CDC5L: variants seen among roughly 807,000 people sequenced by gnomAD.
CDC5L encodes the protein cell division cycle 5-like protein.
CDC5L carries 18 observed loss-of-function variants against 104.1 expected under a neutral mutation model. The observed-to-expected ratio is 0.17, with a 90% CI of 0.12 to 0.26. The LOEUF (loss-of-function observed/expected upper bound fraction) is 0.26. Among genes scored for constraint, CDC5L ranks in the 10% least tolerant of loss-of-function variants. The probability of loss-of-function intolerance (pLI) is 1.00; values close to 1 mark genes in which losing one functional copy is unlikely to be tolerated. For missense variants in CDC5L, 673 were observed against 956.9 expected, an observed-to-expected ratio of 0.70 and a Z score of 3.91; for synonymous variants, 331 against 322.7, an observed-to-expected ratio of 1.03 and a Z score of -0.28.
intron 5 of CDC5L, among the ~76,000 whole-genome samples, chr6:44,402,742 T>C (rs993172617): frequency 6.6e-6 from 1 of 152,244 alleles, no homozygotes; most frequent in African/African-American, 2.4e-5. Context: ...TTGATAGATA[T>C]GCATACAGTT....
At chr6:44,438,881 A>G (rs957498355) in intron 14 of CDC5L, among the ~76,000 whole-genome samples, 26 of 152,054 alleles carry the variant, frequency 1.7e-4, no homozygotes, top group Admixed American at 5.2e-4. Context: ...TATAAATTAC[A>G]TACCATAAAG....
rs771834861 is a variant in CDC5L at position 44,429,691 on chromosome 6, T to C, written c.1894-22T>C. The C allele has an allele frequency of 1.6e-4, 249 of 1,605,766 alleles. 1 individual carries two copies. The highest frequency in any genetic ancestry group is 5.7e-4 in the South Asian group (52 of 90,854). On this transcript the variant is annotated intron_variant, in intron 13 of 15. Transcript: ENST00000371477. Reference sequence around the variant, plus strand: ...CAAGTGTTTGTAGTACTTAAACTTATTGAAATTATTATTGTAAACAGGCCC... The same window carrying C: ...CAAGTGTTTGTAGTACTTAAACTTACTGAAATTATTATTGTAAACAGGCCC...
intron 10 of CDC5L, among the ~76,000 whole-genome samples, 197 bp from the exon 11 acceptor site, chr6:44,424,222 G>A (rs1010336265): frequency 3.2e-4 from 49 of 152,056 alleles, no homozygotes; most frequent in African/African-American, 1.0e-3. Context: ...TAATCATATC[G>A]TGGAAAATGG....
Position 44,419,614 on chromosome 6 carries a change from C to G in CDC5L, c.1241+17C>G, listed in dbSNP as rs764556952. The G allele has an allele frequency of 1.3e-6, 2 of 1,599,936 alleles. No individual in the cohort carries two copies. Among genetic ancestry groups the G allele is most frequent in the Admixed American group, 3.4e-5 (2 of 59,388 alleles). ...TCCATTCAGGTATTGTAAATGAACA[C>G]GTTTTTATTTTAGAAAAACTTGAAT... On this transcript the variant is annotated intron_variant, in intron 9 of 15. Transcript: ENST00000371477.
rs551614437 is a variant in CDC5L, at chr6:44,437,370, C to T, written c.2091+7460C>T. Among the ~76,000 whole-genome samples the T allele has an allele frequency of 3.9e-5, 6 of 152,252 alleles. No individual in the cohort carries two copies. In the South Asian group the frequency reaches 8.3e-4, roughly 21 times the overall value. Reference sequence around the variant, plus strand: ...TGTGTTTTAATAATCAAATGACAGGCGTAAGATAACTAAGTTCAACTTGAA... The same window carrying T: ...TGTGTTTTAATAATCAAATGACAGGTGTAAGATAACTAAGTTCAACTTGAA... On this transcript the variant is annotated intron_variant, in intron 14 of 15. Transcript: ENST00000371477.
intron 5 of CDC5L, among the ~76,000 whole-genome samples, chr6:44,400,325 A>G (rs1482267062): frequency 6.6e-6 from 1 of 152,178 alleles, no homozygotes; most frequent in Admixed American, 6.5e-5. Flanking sequence ...TACTGTAGCA[A>G]TTTTGGGTAC....
intron 14 of CDC5L, among the ~76,000 whole-genome samples, chr6:44,437,461 A>C (rs921039360): frequency 1.3e-5 from 2 of 152,180 alleles, no homozygotes; most frequent in Non-Finnish European, 2.9e-5. Flanking sequence ...TGGCTAAATT[A>C]ATTTTTTTCT....
At chr6:44,400,794 G>T (rs985507381) in intron 5 of CDC5L, among the ~76,000 whole-genome samples, 7 of 152,174 alleles carry the variant, frequency 4.6e-5, no homozygotes, top group Non-Finnish European at 1.0e-4. Flanking sequence ...TTTGGGCAGC[G>T]CTCTCTTTGA....
In CDC5L at chr6:44,408,500, A is replaced by G. The variant is rs763145775; in HGVS notation, c.960A>G (p.Ala320=). ...VVKVGQASEI[A]RQTAEESGIT... is the part of the protein sequence containing the mutation. ...AAGTAGGCCAAGCGAGTGAAATTGC[A>G]CGTCAAACTGCCGAGGAATCTGGCA... The change falls in exon 8 of 16, where the codon GCA becomes GCG. Residue 320 remains alanine (A), a synonymous_variant. Transcript: ENST00000371477. 2.5e-6 allele frequency: 4 copies of G among 1,614,040 alleles called. No individual in the cohort carries two copies. The highest frequency in any genetic ancestry group is 3.4e-6 in the Non-Finnish European group (4 of 1,179,924).
At chr6:44,442,986 G>C (rs1373791366) in intron 14 of CDC5L, among the ~76,000 whole-genome samples, 11 of 137,410 alleles carry the variant, frequency 8.0e-5, no homozygotes, top group African/African-American at 3.0e-4. Context: ...CAGGGTTGCT[G>C]GGTATAGTAT....
chr6:44,446,069 G>C (rs982606688), intron 15 of CDC5L, among the ~76,000 whole-genome samples: 7 of 152,086 alleles, frequency 4.6e-5, no homozygotes, highest in Non-Finnish European at 1.0e-4. Flanking sequence ...AGATACAAAG[G>C]CCTTCCCTTA....
intron 13 of CDC5L, among the ~76,000 whole-genome samples, chr6:44,428,825 A>G (rs969892778): frequency 6.6e-6 from 1 of 152,046 alleles, no homozygotes; most frequent in Admixed American, 6.5e-5. Context: ...TTCCTTCAGG[A>G]TGAGAAAAAT....
chr6:44,426,041 C>T (rs1468853104), intron 11 of CDC5L, 62 bp from the exon 12 acceptor site: 16 of 1,142,314 alleles, frequency 1.4e-5, no homozygotes, highest in Non-Finnish European at 1.8e-5. Flanking sequence ...GTGTTTTTAG[C>T]TTTACTGAGA....
At chr6:44,420,851 G>A (rs962024340) in intron 9 of CDC5L, among the ~76,000 whole-genome samples, 1 of 152,086 alleles carries the variant, frequency 6.6e-6, no homozygotes, top group Non-Finnish European at 1.5e-5. Flanking sequence ...ATCTATACCG[G>A]CAATGAAAAC....
In CDC5L at chr6:44,447,778, CA is replaced by C. The variant is rs1401055490; in HGVS notation, c.*1070del. 1 of 152,072 alleles carries C rather than the reference CA, an allele frequency of 6.6e-6. No individual in the cohort carries two copies. Among genetic ancestry groups the C allele is most frequent in the Non-Finnish European group, 1.5e-5 (1 of 68,012 alleles). 9.4% of individuals were successfully genotyped at this position (152,072 alleles called of 1,614,324 possible). On this transcript the variant is annotated 3_prime_UTR_variant, in exon 16 of 16. Coordinates refer to ENST00000371477, the MANE Select transcript of CDC5L (RefSeq NM_001253.4). Reference sequence around the variant, plus strand: ...TTGAGAATGACAGACAATTAAAATCCAAATGTTTATTTGGTGATTCTTATGT... The same window carrying C: ...TTGAGAATGACAGACAATTAAAATCCAATGTTTATTTGGTGATTCTTATGT...
chr6:44,392,076 T>C (rs11571914), intron 2 of CDC5L, among the ~76,000 whole-genome samples: 1,809 of 152,304 alleles, frequency 0.012, 19 homozygotes, highest in Middle Eastern at 0.054. Context: ...CAGTTCCTGC[T>C]GTCATATTTG....
intron 1 of CDC5L, 37 bp downstream of exon 1, chr6:44,387,905 T>G (rs1435529190): frequency 1.3e-6 from 2 of 1,550,102 alleles, no homozygotes; most frequent in South Asian, 1.2e-5. Context: ...TGCCCGCCGC[T>G]CCCTCTAGCA....
At chr6:44,420,558 G>A (rs1459294724) in intron 9 of CDC5L, among the ~76,000 whole-genome samples, 1 of 151,822 alleles carries the variant, frequency 6.6e-6, no homozygotes, top group Non-Finnish European at 1.5e-5. Context: ...GGGTTTCTCA[G>A]TGATGGTCAG....
At chr6:44,431,021 A>C in intron 14 of CDC5L, among the ~76,000 whole-genome samples, 1 of 152,208 alleles carries the variant, frequency 6.6e-6, no homozygotes, top group Admixed American at 6.5e-5. Flanking sequence ...CAAAAAGTGC[A>C]TTTGAAAATA....
Sources: gnomAD v4.1 joint callset for allele counts (sites outside exome capture counted in the v4.1 genomes callset) on GRCh38, gnomAD v4.1.1 for gene constraint, MANE v1.5 for transcripts, NCBI Gene and HGNC (gene_info 2026-07-23, HGNC 2026-07-21) for gene names.